Variants in GRIK2 observed in about 807,000 individuals in gnomAD.
GRIK2 encodes glutamate receptor ionotropic, kainate 2.
GRIK2 carries 32 observed loss-of-function variants against 100.3 expected under a neutral mutation model. The ratio of observed to expected loss-of-function variants is 0.32; its 90% CI spans 0.24 to 0.43. The LOEUF (loss-of-function observed/expected upper bound fraction) is 0.43, where lower values mean the gene tolerates loss of function less well. GRIK2 is among the 20% of genes least tolerant of loss of function. GRIK2 has a pLI of 1.00. For synonymous variants in GRIK2, 417 were observed against 389.4 expected (o/e 1.07, Z -0.83); for missense variants, 843 against 1,114.9 (o/e 0.76, Z 3.47).
chr6:101,629,810 A>G (rs1170971263), intron 4 of GRIK2, among the ~76,000 whole-genome samples: 3 of 152,082 alleles, frequency 2.0e-5, no homozygotes, highest in Non-Finnish European at 4.4e-5. Context: ...AACTGAACCA[A>G]TCACCCAATG....
chr6:101,718,598 T>C (rs1373737022), intron 7 of GRIK2, among the ~76,000 whole-genome samples: 1 of 151,938 alleles, frequency 6.6e-6, no homozygotes, highest in African/African-American at 2.4e-5. Context: ...CCCTCCATTA[T>C]CTAGACTGTG....
chr6:101,748,454 A>T lies in GRIK2; in HGVS notation c.952-51194A>T, dbSNP rs1776579818. On this transcript the variant is annotated intron_variant, in intron 7 of 16. Coordinates refer to ENST00000369134, the MANE Select transcript of GRIK2 (RefSeq NM_021956.5). ...CTAAAAGACATTAAAAAGGACATTA[A>T]GTATATTAATTAAACCATATCAAAT... is the stretch of plus-strand genomic sequence containing the variant. Among the ~76,000 whole-genome samples the T allele has an allele frequency of 2.0e-5, 3 of 152,292 alleles. No individual in the cohort carries two copies. The Middle Eastern group carries it at 0.01, about 522-fold the overall frequency.
chr6:101,548,289 T>C (rs1776346885), intron 2 of GRIK2, among the ~76,000 whole-genome samples: 1 of 152,254 alleles, frequency 6.6e-6, no homozygotes, highest in Admixed American at 6.5e-5. Flanking sequence ...ACTCTGATGG[T>C]AGTTTCTTTT....
At chr6:101,626,279 TCTTGAG>T in intron 3 of GRIK2, 95 bp from the exon 4 acceptor site, 1 of 1,078,676 alleles carries the variant, frequency 9.3e-7, no homozygotes, top group Non-Finnish European at 1.3e-6. Context: ...CACAAATCTT[TCTTGAG>T]AATGATACCT....
At chr6:102,043,326 A>T (rs1770698265) in intron 15 of GRIK2, among the ~76,000 whole-genome samples, 1 of 151,814 alleles carries the variant, frequency 6.6e-6, no homozygotes, top group Non-Finnish European at 1.5e-5. Context: ...AATGTACAGT[A>T]CACTGTTACT....
intron 14 of GRIK2, among the ~76,000 whole-genome samples, chr6:102,028,682 A>T (rs1582749898): frequency 2.5e-5 from 2 of 80,544 alleles, no homozygotes; most frequent in Middle Eastern, 6.2e-3. Context: ...TATCTGGCTA[A>T]TTACTCTGTA....
chr6:101,674,057 C>G, intron 4 of GRIK2, among the ~76,000 whole-genome samples: 1 of 152,196 alleles, frequency 6.6e-6, no homozygotes, highest in South Asian at 2.1e-4. Context: ...TCTGACTCAC[C>G]TTTATGAAGT....
At chr6:101,510,142 T>G (rs1481569025) in intron 2 of GRIK2, among the ~76,000 whole-genome samples, 1 of 152,216 alleles carries the variant, frequency 6.6e-6, no homozygotes. Context: ...ATTAAAGTGC[T>G]TATTTCTTAA....
rs1168345050 is a variant in GRIK2 at position 101,507,629 on chromosome 6, AT to A, written c.115+108238del. Among the ~76,000 whole-genome samples, 5 of 152,336 alleles carry A rather than the reference AT, an allele frequency of 3.3e-5. No individual in the cohort carries two copies. The East Asian group carries it at 9.6e-4, about 29-fold the overall frequency. ...TAAAGATGAATTACAGGATTATAAC[AT>A]GGAGAGAAAAATGCAAGTTGTAGAA... On this transcript the variant is annotated intron_variant, in intron 2 of 16. Transcript: ENST00000369134.
intron 2 of GRIK2, among the ~76,000 whole-genome samples, chr6:101,581,682 C>G (rs1778106761): frequency 6.6e-6 from 1 of 151,954 alleles, no homozygotes; most frequent in South Asian, 2.1e-4. Context: ...CCATGCCTTC[C>G]AGAAAATTAA....
chr6:101,985,436 CT>C (rs974318544), intron 14 of GRIK2, among the ~76,000 whole-genome samples: 1 of 151,706 alleles, frequency 6.6e-6, no homozygotes, highest in Non-Finnish European at 1.5e-5. Context: ...GACATTCTGG[CT>C]TTTGGCATCC....
chr6:101,724,330 C>T (rs1052290981), intron 7 of GRIK2, among the ~76,000 whole-genome samples: 10 of 151,804 alleles, frequency 6.6e-5, no homozygotes, highest in Non-Finnish European at 1.0e-4. Context: ...AGTTTTTCAG[C>T]CCTTGTGTCC....
chr6:101,698,730 G>A (rs971517481), intron 7 of GRIK2, among the ~76,000 whole-genome samples: 15 of 152,258 alleles, frequency 9.9e-5, no homozygotes, highest in African/African-American at 3.6e-4. Flanking sequence ...ATTACATGAT[G>A]TTTGCACTTG....
chr6:101,622,905 A>C (rs191874642), intron 3 of GRIK2, among the ~76,000 whole-genome samples: 2 of 152,000 alleles, frequency 1.3e-5, no homozygotes, highest in Non-Finnish European at 2.9e-5. Flanking sequence ...AGGTGCTTCT[A>C]TAGTCTTATG....
chr6:101,529,661 A>C (rs998077729), intron 2 of GRIK2, among the ~76,000 whole-genome samples: 4 of 152,074 alleles, frequency 2.6e-5, no homozygotes, highest in African/African-American at 9.7e-5. Context: ...TGTGGAATCT[A>C]TAAAGAGGGT....
intron 14 of GRIK2, among the ~76,000 whole-genome samples, chr6:101,974,692 C>T (rs1793261310): frequency 6.6e-6 from 1 of 151,878 alleles, no homozygotes; most frequent in Non-Finnish European, 1.5e-5. Context: ...AGGACAATCT[C>T]CTTTACTTAA....
intron 9 of GRIK2, 109 bp downstream of exon 9, chr6:101,802,547 ACT>A (rs1044888312): frequency 1.6e-5 from 7 of 435,380 alleles, no homozygotes; most frequent in East Asian, 1.0e-4. Flanking sequence ...TTATTGAGTA[ACT>A]CTAAAAATAA....
intron 2 of GRIK2, among the ~76,000 whole-genome samples, chr6:101,555,205 A>G (rs1269997786): frequency 2.6e-5 from 4 of 152,202 alleles, no homozygotes; most frequent in Non-Finnish European, 5.9e-5. Context: ...TAGTGCCTCA[A>G]AAGAAAAGTC....
intron 2 of GRIK2, among the ~76,000 whole-genome samples, chr6:101,468,666 G>T (rs978741789): frequency 1.3e-5 from 2 of 152,066 alleles, no homozygotes; most frequent in Admixed American, 1.3e-4. Flanking sequence ...GTACGATATA[G>T]GTCACATTTT....
Sources: gnomAD v4.1 joint callset for allele counts (sites outside exome capture counted in the v4.1 genomes callset) on GRCh38, gnomAD v4.1.1 for gene constraint, MANE v1.5 for transcripts, NCBI Gene and HGNC (gene_info 2026-07-23, HGNC 2026-07-21) for gene names.